The following IDO2 variants were observed in gnomAD, a reference collection of about 807,000 sequenced individuals.
IDO2 encodes indoleamine 2,3-dioxygenase 2.
In IDO2, 46 loss-of-function variants were observed where a neutral mutation model predicts 45.1. The ratio of observed to expected loss-of-function variants is 1.02; its 90% confidence interval spans 0.80 to 1.30. The LOEUF is 1.30. Among genes scored for constraint, IDO2 ranks in the 50% most tolerant of loss-of-function variants. IDO2 has a pLI of 0.00. For synonymous variants in IDO2, 218 were observed against 184.9 expected, an observed-to-expected ratio of 1.18 and a Z score of -1.45; for missense variants, 544 against 491.8, an observed-to-expected ratio of 1.11 and a Z score of -1.00.
intron 4 of IDO2, among the ~76,000 whole-genome samples, 161 bp downstream of exon 4, chr8:39,979,347 T>A (rs922499407): frequency 1.3e-4 from 20 of 150,884 alleles, no homozygotes; most frequent in African/African-American, 4.9e-4. Flanking sequence ...ATTTATTATT[T>A]ATTATTATTA....
At chr8:39,953,477 C>T (rs987382636) in intron 2 of IDO2, among the ~76,000 whole-genome samples, 5 of 152,142 alleles carry the variant, frequency 3.3e-5, no homozygotes, top group African/African-American at 9.7e-5. Flanking sequence ...AGAAATCTTT[C>T]ACTTTTATAT....
intron 3 of IDO2, among the ~76,000 whole-genome samples, chr8:39,966,163 G>A (rs186374463): frequency 0.012 from 1,793 of 151,534 alleles, 33 homozygotes; most frequent in African/African-American, 0.04. Flanking sequence ...TGAGTAGCTG[G>A]GACTACAGGC....
At position 39,982,319 on chromosome 8, in the gene IDO2, A is replaced by G. The variant is rs1351592050; in HGVS notation, c.316-333A>G. On this transcript the variant is annotated intron_variant, in intron 4 of 10. Coordinates refer to ENST00000502986, the Ensembl canonical transcript of IDO2. ...ATCAAAATTTTTTTCCGTTGATAAT[A>G]TTCTCGGGCCCCAGTTTATGTTTAA... Among the ~76,000 whole-genome samples, 3 of 151,830 alleles carry G rather than the reference A, an allele frequency of 2.0e-5. No individual in the cohort carries two copies. The East Asian group carries it at 5.8e-4, about 29-fold the overall frequency.
chr8:40,006,264 C>A (rs78746324), intron 9 of IDO2, among the ~76,000 whole-genome samples: 1 of 152,098 alleles, frequency 6.6e-6, no homozygotes. Flanking sequence ...ACATTTGGTA[C>A]AGTATTTAAT....
chr8:39,973,736 C>CTTGTTTTTT (rs1563431779), intron 3 of IDO2, among the ~76,000 whole-genome samples: 1 of 136,902 alleles, frequency 7.3e-6, no homozygotes, highest in Non-Finnish European at 1.5e-5. Flanking sequence ...TCTTGTGTTT[C>CTTGTTTTTT]GTTTTCTTCT....
chr8:39,969,610 C>T (rs1052471369), intron 3 of IDO2, among the ~76,000 whole-genome samples: 1 of 152,226 alleles, frequency 6.6e-6, no homozygotes, highest in South Asian at 2.1e-4. Flanking sequence ...CATGGTGGCT[C>T]AGGCCTCTAA....
At chr8:39,959,888 T>G (rs551390505) in intron 2 of IDO2, among the ~76,000 whole-genome samples, 1 of 152,300 alleles carries the variant, frequency 6.6e-6, no homozygotes, top group East Asian at 1.9e-4. Flanking sequence ...TATGAATTAA[T>G]TAGGAGCTTG....
intron 10 of IDO2, among the ~76,000 whole-genome samples, chr8:40,013,925 T>C (rs1187051174): frequency 6.6e-6 from 1 of 152,250 alleles, no homozygotes; most frequent in African/African-American, 2.4e-5. Context: ...TGGGTTTTAC[T>C]TCCAAATCTT....
rs537136566 is a variant in IDO2, at chr8:39,997,564, C to T, written c.667+7726C>T. 1.4e-4 allele frequency among the ~76,000 whole-genome samples: 21 copies of T among 152,150 alleles called. No homozygotes were observed. In the East Asian group the frequency reaches 1.9e-3, roughly 14 times the overall value. On this transcript the variant is annotated intron_variant, in intron 8 of 10. Transcript: ENST00000502986. ...GTGAGCGCCTGTGGTTCCAGCTACC[C>T]AGGAGGCTGAGGTGGGAGGATGCAC...
At chr8:39,975,036 G>A (rs1216436854) in intron 3 of IDO2, among the ~76,000 whole-genome samples, 1 of 152,068 alleles carries the variant, frequency 6.6e-6, no homozygotes. Context: ...TTGAACCCAG[G>A]AGGCAGAGGT....
At chr8:40,006,792 C>T (rs1802229525) in intron 9 of IDO2, among the ~76,000 whole-genome samples, 5 of 152,072 alleles carry the variant, frequency 3.3e-5, no homozygotes, top group Admixed American at 3.3e-4. Context: ...TCCCGAGTAG[C>T]TGCGATTACA....
chr8:40,001,096 C>T (rs973240206), intron 8 of IDO2, among the ~76,000 whole-genome samples: 8 of 152,032 alleles, frequency 5.3e-5, no homozygotes, highest in East Asian at 3.9e-4. Context: ...TTCAAAGTAC[C>T]GAGATTGATT....
intron 1 of IDO2, among the ~76,000 whole-genome samples, chr8:39,936,178 G>A (rs1414160415): frequency 6.6e-6 from 1 of 152,102 alleles, no homozygotes; most frequent in Non-Finnish European, 1.5e-5. Flanking sequence ...CTACCTAAAG[G>A]ATCTGGCTCT....
chr8:39,989,724 C>G, exon 8 of IDO2: 1 of 1,582,734 alleles, frequency 6.3e-7, no homozygotes, highest in African/African-American at 1.3e-5. Flanking sequence ...TCCCTAGGCT[C>G]TTGTTCAGGC....
intron 2 of IDO2, 115 bp from the exon 3 acceptor site, chr8:39,963,493 C>T (rs1219300696): frequency 7.9e-6 from 5 of 634,314 alleles, no homozygotes; most frequent in African/African-American, 3.7e-5. Context: ...TCTCAATGTT[C>T]GTTCAACTGC....
chr8:39,954,792 A>G (rs1212586250), intron 2 of IDO2, among the ~76,000 whole-genome samples: 1 of 150,804 alleles, frequency 6.6e-6, no homozygotes, highest in Non-Finnish European at 1.5e-5. Context: ...AATAGCTGGT[A>G]TTACAGGTGC....
chr8:40,010,796 T>C (rs1009596970), intron 9 of IDO2, among the ~76,000 whole-genome samples: 1 of 152,162 alleles, frequency 6.6e-6, no homozygotes, highest in Admixed American at 6.5e-5. Flanking sequence ...GGAGATCAGT[T>C]TGGGGACACG....
chr8:39,990,479 G>GA (rs1389651842), intron 8 of IDO2, among the ~76,000 whole-genome samples: 1 of 152,184 alleles, frequency 6.6e-6, no homozygotes, highest in African/African-American at 2.4e-5. Context: ...CCAAAGGACT[G>GA]AAAAAATCAC....
chr8:39,982,750 G>C (rs1478260893), exon 5 of IDO2: 1 of 1,598,776 alleles, frequency 6.3e-7, no homozygotes, highest in Non-Finnish European at 8.5e-7. Flanking sequence ...TGACGAACTG[G>C]ACCAAAAAAG....
Sources: gnomAD v4.1 joint callset for allele counts (sites outside exome capture counted in the v4.1 genomes callset) on GRCh38, gnomAD v4.1.1 for gene constraint, MANE v1.5 for transcripts, NCBI Gene and HGNC (gene_info 2026-07-23, HGNC 2026-07-21) for gene names.